CLMN: variants seen among roughly 807,000 people sequenced by gnomAD.
CLMN encodes calmin (calponin-like, transmembrane).
CLMN carries 57 observed loss-of-function variants against 92.7 expected under a neutral mutation model. The ratio of observed to expected loss-of-function variants is 0.61; its 90% CI spans 0.50 to 0.77. CLMN has a LOEUF of 0.77. Ranked by LOEUF, CLMN falls within the 30% of genes least tolerant of loss-of-function variation. The pLI, the probability that CLMN is intolerant of heterozygous loss-of-function variation, is 0.00. For synonymous variants in CLMN, 466 were observed against 470.6 expected (o/e 0.99, Z 0.13); for missense variants, 1,158 against 1,237.5 (o/e 0.94, Z 0.96).
intron 5 of CLMN, among the ~76,000 whole-genome samples, chr14:95,213,935 G>A (rs2140598552): frequency 6.6e-6 from 1 of 152,208 alleles, no homozygotes. Flanking sequence ...CACACACACA[G>A]TAGGTTACGT....
intron 1 of CLMN, among the ~76,000 whole-genome samples, chr14:95,293,016 C>A (rs2140762626): frequency 6.6e-6 from 1 of 152,236 alleles, no homozygotes; most frequent in Non-Finnish European, 1.5e-5. Context: ...GCCATGAGAA[C>A]CACTAGGAAT....
chr14:95,267,741 T>C lies in CLMN; in HGVS notation c.83-37608A>G, dbSNP rs182646693. Among the ~76,000 whole-genome samples the C allele has an allele frequency of 1.9e-4, 29 of 152,338 alleles. No homozygotes were observed. In the East Asian group the frequency reaches 5.0e-3, roughly 26 times the overall value. ...CACTCTCATATTTATTTCAGCACTA[T>C]TCACAATAGCCAAAATATGGAATCA... On this transcript the variant is annotated intron_variant, in intron 1 of 12. Transcript: ENST00000298912.
rs752568390 is a variant in CLMN at position 95,213,314 on chromosome 14, G to A, written c.513C>T (p.Pro171=). The A allele has an allele frequency of 6.2e-7, 1 of 1,614,058 alleles. No individual in the cohort carries two copies. Among genetic ancestry groups the A allele is most frequent in the Non-Finnish European group, 8.5e-7 (1 of 1,179,982 alleles). The change falls in exon 6 of 13, where the codon CCC becomes CCT. Residue 171 remains proline (P), a synonymous_variant. Transcript: ENST00000298912. Reference sequence around the variant, plus strand: ...CCACGCTCCTCTCTGCAGTGGGTGTGGGTGGGAAGGATGAGTCTGAGTCTG... The same window carrying A: ...CCACGCTCCTCTCTGCAGTGGGTGTAGGTGGGAAGGATGAGTCTGAGTCTG... ...GGTDSDSSFP[P]TPTAERSVAI...
chr14:95,300,004 C>A (rs1900976609), intron 1 of CLMN, among the ~76,000 whole-genome samples: 1 of 152,222 alleles, frequency 6.6e-6, no homozygotes, highest in Admixed American at 6.5e-5. Flanking sequence ...TTTCTAGGAA[C>A]CTATCCTGCG....
At chr14:95,228,466 C>A (rs1343806891) in intron 2 of CLMN, among the ~76,000 whole-genome samples, 2 of 152,224 alleles carry the variant, frequency 1.3e-5, no homozygotes, top group Non-Finnish European at 2.9e-5. Context: ...ACATGTTCTA[C>A]ACGTCAGGAG....
intron 1 of CLMN, among the ~76,000 whole-genome samples, chr14:95,270,266 G>A (rs1202623035): frequency 6.6e-6 from 1 of 151,968 alleles, no homozygotes; most frequent in Non-Finnish European, 1.5e-5. Context: ...CCCAAGCCAA[G>A]TGCCTCACTC....
intron 1 of CLMN, among the ~76,000 whole-genome samples, chr14:95,297,173 G>GGA (rs1900841094): frequency 6.6e-6 from 1 of 152,142 alleles, no homozygotes; most frequent in Admixed American, 6.5e-5. Flanking sequence ...GGGGCTCAGT[G>GGA]GAGTTCCTGT....
At position 95,184,412 on chromosome 14, in the gene CLMN, C is replaced by A. The variant is rs1025082736; in HGVS notation, c.*7152G>T. The A allele has an allele frequency of 1.3e-5, 2 of 152,208 alleles. No homozygotes were observed. Among genetic ancestry groups the A allele is most frequent in the Non-Finnish European group, 2.9e-5 (2 of 68,038 alleles). The allele number at this position is 152,208 out of a possible 1,614,324, so 9.4% of individuals were successfully genotyped here. A position where few individuals can be genotyped will look rare whatever the true frequency, so the allele number is the denominator to read the frequency against. On this transcript the variant is annotated 3_prime_UTR_variant, in exon 13 of 13. Transcript: ENST00000298912. Reference sequence around the variant, plus strand: ...AGTGTCAGGGATTTAAACAAATTAGCAGTGCGATTGAGGCCGTGGATTGTT... The same window carrying A: ...AGTGTCAGGGATTTAAACAAATTAGAAGTGCGATTGAGGCCGTGGATTGTT...
In CLMN at chr14:95,256,012, C is replaced by CT. The variant is rs1392533846; in HGVS notation, c.83-25880dup. 6.6e-6 allele frequency among the ~76,000 whole-genome samples: 1 copy of CT among 152,206 alleles called. No individual in the cohort carries two copies. The highest frequency in any genetic ancestry group is 1.5e-5 in the Non-Finnish European group (1 of 68,040). On this transcript the variant is annotated intron_variant, in intron 1 of 12. Transcript: ENST00000298912. This position sits in a 1 kb window ranked among gnomAD's most constrained non-coding sequence, Gnocchi z 4.9. ...TTCTTTTAACCCTATGAGGCAGCTA[C>CT]TATCCTTATCCCCATTTTACAAATG...
At chr14:95,299,423 G>C (rs1022887980) in intron 1 of CLMN, among the ~76,000 whole-genome samples, 1 of 152,126 alleles carries the variant, frequency 6.6e-6, no homozygotes, top group East Asian at 1.9e-4. Context: ...CACGCACCAG[G>C]GCTTCCGGCA....
At chr14:95,276,540 G>A (rs1289319427) in intron 1 of CLMN, among the ~76,000 whole-genome samples, 1 of 152,114 alleles carries the variant, frequency 6.6e-6, no homozygotes. Context: ...TATGATGGGT[G>A]GGTCTTTCTC....
chr14:95,251,953 C>G (rs1407346354), intron 1 of CLMN, among the ~76,000 whole-genome samples: 5 of 152,124 alleles, frequency 3.3e-5, no homozygotes, highest in Non-Finnish European at 5.9e-5. Flanking sequence ...TGCACTCAGC[C>G]CCCATGGAGG....
intron 1 of CLMN, among the ~76,000 whole-genome samples, chr14:95,285,867 G>A (rs972339454): frequency 7.9e-5 from 12 of 151,432 alleles, no homozygotes; most frequent in African/African-American, 1.5e-4. Context: ...AATCAACCAC[G>A]GCACTCTTTC....
intron 1 of CLMN, among the ~76,000 whole-genome samples, chr14:95,231,117 A>G (rs528043468): frequency 1.3e-5 from 2 of 152,038 alleles, no homozygotes; most frequent in East Asian, 1.9e-4. Flanking sequence ...TGGCCTGCAC[A>G]GCAGGTGGTG....
At chr14:95,289,321 T>A (rs1490865861) in intron 1 of CLMN, among the ~76,000 whole-genome samples, 1 of 151,992 alleles carries the variant, frequency 6.6e-6, no homozygotes, top group Admixed American at 6.5e-5. Context: ...TGAAACTCCA[T>A]CTCTGCTAAA....
At chr14:95,311,085 C>T (rs113289337) in intron 1 of CLMN, among the ~76,000 whole-genome samples, 2 of 152,130 alleles carry the variant, frequency 1.3e-5, no homozygotes, top group African/African-American at 4.8e-5. Flanking sequence ...TGGGAAGGCC[C>T]AAATGAGACA....
At chr14:95,289,609 A>T (rs1767141470) in intron 1 of CLMN, among the ~76,000 whole-genome samples, 1 of 152,212 alleles carries the variant, frequency 6.6e-6, no homozygotes, top group African/African-American at 2.4e-5. Flanking sequence ...GTTGATAACA[A>T]AGACCTGGGT....
chr14:95,204,501 C>T (rs1255561999), intron 8 of CLMN, 38 bp from the exon 9 acceptor site: 1 of 1,493,358 alleles, frequency 6.7e-7, no homozygotes, highest in Non-Finnish European at 8.9e-7. Flanking sequence ...CAAAAAAAAA[C>T]AAAAGAACAA....
At chr14:95,218,137 G>C (rs1327293008) in intron 4 of CLMN, among the ~76,000 whole-genome samples, 1 of 152,212 alleles carries the variant, frequency 6.6e-6, no homozygotes, top group Non-Finnish European at 1.5e-5. Flanking sequence ...CAATTGGTTT[G>C]TGGAAATATT....
Sources: allele counts gnomAD v4.1 joint callset (sites outside exome capture counted in the v4.1 genomes callset), GRCh38; gene constraint gnomAD v4.1.1; non-coding constraint Gnocchi (gnomAD v3.1); transcripts MANE v1.5; gene names NCBI Gene and HGNC (gene_info 2026-07-23, HGNC 2026-07-21).